Variants in CNTRL observed in about 807,000 individuals in gnomAD.
CNTRL encodes 110 kDa centrosomal protein.
CNTRL carries 233 observed loss-of-function variants against 303.7 expected under a neutral mutation model. The ratio of observed to expected loss-of-function variants is 0.77; its 90% CI spans 0.69 to 0.86. CNTRL has a LOEUF of 0.86. Among genes scored for constraint, CNTRL ranks in the 40% least tolerant of loss-of-function variants. CNTRL has a pLI of 0.00. For missense variants in CNTRL, 2,524 were observed against 2,650.6 expected, an observed-to-expected ratio of 0.95 and a Z score of 1.05; for synonymous variants, 900 against 922.2, an observed-to-expected ratio of 0.98 and a Z score of 0.44.
intron 2 of CNTRL, among the ~76,000 whole-genome samples, chr9:121,084,188 A>G (rs1340331894): frequency 1.3e-5 from 2 of 152,184 alleles, no homozygotes; most frequent in Non-Finnish European, 2.9e-5. Context: ...CTTGCTCGAG[A>G]TCTATACATC....
rs62578445 is a variant in CNTRL, at chr9:121,123,999, A to G, written c.1719A>G (p.Gln573=). The part of the protein sequence containing the change: ...QLDIMNKQYQ[Q]LESRLDEILS... ...ACATTATGAACAAGCAGTACCAACA[A>G]CTTGAAAGTCGTTTGGATGAGATAC... Residue 573 remains glutamine, a synonymous_variant, in exon 13 of 44, where the codon CAA becomes CAG. Transcript: ENST00000373855. 0.044 allele frequency: 70,545 copies of G among 1,613,020 alleles called. 1,800 individuals are homozygous for G. The highest frequency in any genetic ancestry group is 0.068 in the Middle Eastern group (410 of 6,054).
intron 23 of CNTRL, among the ~76,000 whole-genome samples, chr9:121,146,970 G>A (rs2051900647): frequency 6.6e-6 from 1 of 152,170 alleles, no homozygotes; most frequent in African/African-American, 2.4e-5. Flanking sequence ...AGTGTCAGAT[G>A]AAGCTGAAAA....
chr9:121,103,660 G>T (rs1451467223), intron 7 of CNTRL, among the ~76,000 whole-genome samples: 1 of 152,130 alleles, frequency 6.6e-6, no homozygotes. Flanking sequence ...TCTGACAAAG[G>T]GCTAATATCC....
At chr9:121,123,746 C>T (rs760105600) in intron 12 of CNTRL, among the ~76,000 whole-genome samples, 185 bp from the exon 13 acceptor site, 2 of 152,116 alleles carry the variant, frequency 1.3e-5, no homozygotes, top group Non-Finnish European at 1.5e-5. Context: ...AAATGATTTC[C>T]GTATCAAGTT....
intron 18 of CNTRL, 71 bp from the exon 19 acceptor site, chr9:121,142,020 A>C: frequency 7.8e-7 from 1 of 1,285,490 alleles, no homozygotes; most frequent in South Asian, 1.6e-5. Flanking sequence ...TGATAATTCT[A>C]TAAAAAGTTT....
At chr9:121,127,469 C>G (rs2050594502) in intron 14 of CNTRL, among the ~76,000 whole-genome samples, 1 of 152,030 alleles carries the variant, frequency 6.6e-6, no homozygotes, top group African/African-American at 2.4e-5. Flanking sequence ...TTGCCACATC[C>G]TTGCCAACGC....
chr9:121,082,516 G>A (rs776651657), intron 2 of CNTRL, among the ~76,000 whole-genome samples: 7 of 152,178 alleles, frequency 4.6e-5, no homozygotes, highest in Non-Finnish European at 1.0e-4. Flanking sequence ...AAGATGCGTT[G>A]TTAGACAATT....
intron 26 of CNTRL, 33 bp downstream of exon 26, chr9:121,152,726 T>TA: frequency 6.8e-7 from 1 of 1,465,660 alleles, no homozygotes; most frequent in Non-Finnish European, 9.4e-7. Context: ...TTCAGACAAA[T>TA]ACGATATTAG....
At chr9:121,145,878 C>T (rs753562304) in intron 22 of CNTRL, among the ~76,000 whole-genome samples, 16 of 152,190 alleles carry the variant, frequency 1.1e-4, no homozygotes, top group East Asian at 9.7e-4. Context: ...GACTGGATGA[C>T]GGAGTGAGAC....
chr9:121,163,165 C>A (rs1407907), intron 34 of CNTRL, among the ~76,000 whole-genome samples: 87,751 of 147,322 alleles, frequency 0.6, 28,257 homozygotes, highest in South Asian at 0.9. Context: ...CATAGAAAGA[C>A]CCTGTCTCTG....
chr9:121,165,006 G>A lies in CNTRL; in HGVS notation c.5487G>A (p.Leu1829=), dbSNP rs1477491340. The A allele has an allele frequency of 1.2e-6, 2 of 1,611,868 alleles. No individual in the cohort carries two copies. The highest frequency in any genetic ancestry group is 2.7e-5 in the African/African-American group (2 of 74,754). The change falls in exon 35 of 44, where the codon TTG becomes TTA. Residue 1829 remains leucine, a synonymous_variant. Transcript: ENST00000373855. ...MEQSNLEKLE[L]NVRKLQQELD... is the part of the protein sequence containing the mutation. ...AATCAAACTTAGAAAAGTTGGAATTGAATGTCAGAAAACTGCAGCAGGAAC... is the reference window on the plus strand; with the variant it reads ...AATCAAACTTAGAAAAGTTGGAATTAAATGTCAGAAAACTGCAGCAGGAAC...
Position 121,124,088 on chromosome 9 carries a change from A to C in CNTRL, c.1804+4A>C. On this transcript the variant is annotated splice_donor_region_variant and intron_variant, in intron 13 of 43. Transcript: ENST00000373855. ...CTTGAAGAACAGCTTACTGAAGGTA[A>C]GACTTTCAGTATGATTTAAGGTAAA... The C allele has an allele frequency of 6.3e-7, 1 of 1,599,732 alleles. No individual in the cohort carries two copies. Among genetic ancestry groups the C allele is most frequent in the Non-Finnish European group, 8.5e-7 (1 of 1,174,718 alleles).
intron 12 of CNTRL, among the ~76,000 whole-genome samples, chr9:121,120,542 A>G (rs2050180106): frequency 6.6e-6 from 1 of 152,176 alleles, no homozygotes. Context: ...CCAGGGACCA[A>G]CCAGCCCTAT....
chr9:121,142,247 C>T lies in CNTRL; in HGVS notation c.2848C>T (p.Gln950Ter). The T allele has an allele frequency of 6.2e-7, 1 of 1,602,908 alleles. No individual in the cohort carries two copies. Among genetic ancestry groups the T allele is most frequent in the East Asian group, 2.2e-5 (1 of 44,776 alleles). ...TGAAGAGAAGGAGAGAATTCTGGCC[C>T]AACTCCGAGAGTTAGAGAAAAAGGT... ...ADEEKERILA[Q>*]LRELEKKKKL... is the part of the protein sequence containing the mutation. The change falls in exon 19 of 44, where the codon CAA (glutamine) becomes TAA (stop). Residue 950 changes from glutamine (Q) to a stop codon, truncating the protein, a stop_gained. Transcript: ENST00000373855. LOFTEE classifies it high-confidence loss of function.
chr9:121,155,119 T>C (rs1364944124), intron 27 of CNTRL, among the ~76,000 whole-genome samples: 2 of 152,218 alleles, frequency 1.3e-5, no homozygotes, highest in Non-Finnish European at 2.9e-5. Context: ...TTCTTATCTA[T>C]AAATTCAGGC....
Position 121,177,473 on chromosome 9 carries a change from G to A in CNTRL, c.*287G>A. ...TTAAAAAAAAACAGTGATTTTAACT[G>A]CATATTTGAACCTACAAACTGGTAA... On this transcript the variant is annotated 3_prime_UTR_variant, in exon 44 of 44. Transcript: ENST00000373855. 2 of 345,228 alleles carry A rather than the reference G, an allele frequency of 5.8e-6. No homozygotes were observed. The highest frequency in any genetic ancestry group is 1.0e-5 in the Non-Finnish European group (2 of 193,988). The allele number at this position is 345,228 out of a possible 1,614,324, so 21.4% of individuals were successfully genotyped here.
At chr9:121,150,781 G>C (rs1011731264) in intron 25 of CNTRL, 2 of 321,184 alleles carry the variant, frequency 6.2e-6, no homozygotes, top group East Asian at 1.3e-4. Context: ...AAAATACCAT[G>C]TACAGGAGTT....
chr9:121,118,394 C>T lies in CNTRL; in HGVS notation c.1504C>T (p.Leu502=). Residue 502 remains leucine, a synonymous_variant, in exon 12 of 44, where the codon CTA becomes TTA. Coordinates refer to ENST00000373855, the MANE Select transcript of CNTRL (RefSeq NM_007018.6). ...DLLYKQLSGR[L]QLVNKLRQEA... ...TCTTTACAAGCAGTTGAGTGGTAGA[C>T]TACAACTTGTAAATAAATTACGCCA... 6.2e-7 allele frequency: 1 copy of T among 1,611,750 alleles called. No homozygotes were observed. The highest frequency in any genetic ancestry group is 8.5e-7 in the Non-Finnish European group (1 of 1,178,752).
At chr9:121,117,952 C>T (rs2050057210) in intron 11 of CNTRL, among the ~76,000 whole-genome samples, 1 of 151,246 alleles carries the variant, frequency 6.6e-6, no homozygotes, top group African/African-American at 2.4e-5. Flanking sequence ...GCACTCCACC[C>T]TGGGCGACAG....
Sources: allele counts gnomAD v4.1 joint callset (sites outside exome capture counted in the v4.1 genomes callset), GRCh38; gene constraint gnomAD v4.1.1; transcripts MANE v1.5; gene names NCBI Gene and HGNC (gene_info 2026-07-23, HGNC 2026-07-21).